The following THUMPD3 variants were observed in gnomAD, a reference collection of about 807,000 sequenced individuals.
THUMPD3 encodes the protein THUMP domain 3 tRNA guanosine methyltransferase.
A neutral mutation model predicts 54.5 loss-of-function variants in THUMPD3; 44 were observed. The ratio of observed to expected loss-of-function variants is 0.81; its 90% CI spans 0.63 to 1.04. The LOEUF is 1.04. Among genes scored for constraint, THUMPD3 ranks in the 50% least tolerant of loss-of-function variants. The pLI is 0.00. For synonymous variants in THUMPD3, 196 were observed against 201.4 expected, an observed-to-expected ratio of 0.97 and a Z score of 0.23; for missense variants, 604 against 601.3, an observed-to-expected ratio of 1.00 and a Z score of -0.05.
Position 9,384,971 on chromosome 3 carries a change from CT to C in THUMPD3, c.*284del. On this transcript the variant is annotated 3_prime_UTR_variant, in exon 10 of 10. Coordinates refer to ENST00000452837, the MANE Select transcript of THUMPD3 (RefSeq NM_001114092.2). The stretch of plus-strand genomic sequence containing the variant: ...CCTGGCCAACATGGTGAAACCCTGT[CT>C]CTACTAGAAATACAAAAATTAGCCA... 3.2e-6 allele frequency: 1 copy of C among 315,742 alleles called. No homozygotes were observed. Among genetic ancestry groups the C allele is most frequent in the Non-Finnish European group, 6.0e-6 (1 of 165,332 alleles). The allele number at this position is 315,742 out of a possible 1,614,324, so 19.6% of individuals were successfully genotyped here.
At chr3:9,367,685 A>G (rs1402502104) in intron 3 of THUMPD3, among the ~76,000 whole-genome samples, 1 of 152,226 alleles carries the variant, frequency 6.6e-6, no homozygotes, top group Non-Finnish European at 1.5e-5. Flanking sequence ...ATTGGCAAGC[A>G]TGTTGATTTC....
rs2032317707 is a variant in THUMPD3 at position 9,374,598 on chromosome 3, A to G, written c.890A>G (p.His297Arg). 1.2e-6 allele frequency: 2 copies of G among 1,613,982 alleles called. No homozygotes were observed. The highest frequency in any genetic ancestry group is 2.2e-5 in the South Asian group (2 of 91,082). ...AGTCTCCACCGAAGAAATATAACAC[A>G]TTTTGGACCTACAACTCTTAGATCA... ...EESLHRRNITHFGPTTLRSTL... is the reference protein window; with the variant it reads ...EESLHRRNITRFGPTTLRSTL... Residue 297 changes from histidine (H) to arginine (R), a missense_variant, in exon 5 of 10, where the codon CAT becomes CGT. By Grantham distance (29) the His-to-Arg change is conservative. Coordinates refer to ENST00000452837, the MANE Select transcript of THUMPD3 (RefSeq NM_001114092.2).
intron 7 of THUMPD3, chr3:9,382,971 C>T: frequency 2.6e-6 from 1 of 381,012 alleles, no homozygotes; most frequent in Non-Finnish European, 4.9e-6. Flanking sequence ...TCCAGTGATC[C>T]TCCCACCTCA....
chr3:9,384,873 C>G lies in THUMPD3; in HGVS notation c.*185C>G. On this transcript the variant is annotated 3_prime_UTR_variant, in exon 10 of 10. Coordinates refer to ENST00000452837, the MANE Select transcript of THUMPD3 (RefSeq NM_001114092.2). ...TTTAAAAGTTTTATGAGACCAGGCACAGTGGCTCACGACTGTAATTCCAGC... is the reference window on the plus strand; with the variant it reads ...TTTAAAAGTTTTATGAGACCAGGCAGAGTGGCTCACGACTGTAATTCCAGC... 1.5e-6 allele frequency: 1 copy of G among 645,864 alleles called. No homozygotes were observed. Among genetic ancestry groups the G allele is most frequent in the South Asian group, 2.0e-5 (1 of 49,574 alleles). The allele number at this position is 645,864 out of a possible 1,614,324, so 40.0% of individuals were successfully genotyped here. A position where few individuals can be genotyped will look rare whatever the true frequency, so the allele number is the denominator to read the frequency against.
Position 9,370,970 on chromosome 3 carries a change from G to A in THUMPD3, c.331-90G>A, listed in dbSNP as rs1272066051. The A allele has an allele frequency of 1.2e-5, 13 of 1,110,640 alleles. No individual in the cohort carries two copies. The Admixed American group carries it at 2.0e-4, about 17-fold the overall frequency. 68.8% of individuals were successfully genotyped at this position (1,110,640 alleles called of 1,614,324 possible). ...CGGTCCTGGAACCAGTGTCCCCCAC[G>A]GATACCAACTGTCCATAAGCAAAGT... On this transcript the variant is annotated intron_variant, in intron 3 of 9. Coordinates refer to ENST00000452837, the MANE Select transcript of THUMPD3 (RefSeq NM_001114092.2).
At chr3:9,365,456 A>G in intron 2 of THUMPD3, 136 bp downstream of exon 2, 1 of 1,087,716 alleles carries the variant, frequency 9.2e-7, no homozygotes, top group Admixed American at 2.5e-5. Context: ...AAGTTACTGC[A>G]TTTTCTATTG....
At chr3:9,374,920 G>A (rs577011208) in intron 5 of THUMPD3, among the ~76,000 whole-genome samples, 18 of 152,208 alleles carry the variant, frequency 1.2e-4, no homozygotes, top group East Asian at 5.8e-4. Context: ...CTGCAGTGGC[G>A]AGATCTCAGC....
Position 9,380,487 on chromosome 3 carries a change from C to G in THUMPD3, c.1009-16C>G, listed in dbSNP as rs368169800. 13 of 1,534,708 alleles carry G rather than the reference C, an allele frequency of 8.5e-6. No homozygotes were observed. The African/African-American group carries it at 1.8e-4, about 21-fold the overall frequency. ...AGTTTGCTACTTTTGTTTTAACATACACTCTTATCTTTTAGGGGGCCACTG... is the reference window on the plus strand; with the variant it reads ...AGTTTGCTACTTTTGTTTTAACATAGACTCTTATCTTTTAGGGGGCCACTG... On this transcript the variant is annotated splice_polypyrimidine_tract_variant and intron_variant, in intron 6 of 9. Transcript: ENST00000452837.
At chr3:9,378,039 G>A in intron 6 of THUMPD3, 151 bp downstream of exon 6, 1 of 628,886 alleles carries the variant, frequency 1.6e-6, no homozygotes, top group Non-Finnish European at 2.7e-6. Flanking sequence ...GAACTTTTTT[G>A]TAAAGAATGT....
Position 9,384,937 on chromosome 3 carries a change from G to GGAGTTT in THUMPD3, c.*252_*253insTTTGAG. 5.0e-6 allele frequency: 2 copies of GGAGTTT among 397,822 alleles called. No individual in the cohort carries two copies. The highest frequency in any genetic ancestry group is 9.2e-6 in the Non-Finnish European group (2 of 217,074). The allele number at this position is 397,822 out of a possible 1,614,324, so 24.6% of individuals were successfully genotyped here. A position where few individuals can be genotyped will look rare whatever the true frequency, so the allele number is the denominator to read the frequency against. Reference sequence around the variant, plus strand: ...GAAGTGTGCAGATCACCTGAGGTCCGGAGACCAGCCTGGCCAACATGGTGA... The same window carrying GGAGTTT: ...GAAGTGTGCAGATCACCTGAGGTCCGGAGTTTGAGACCAGCCTGGCCAACATGGTGA... On this transcript the variant is annotated 3_prime_UTR_variant, in exon 10 of 10. Transcript: ENST00000452837.
intron 7 of THUMPD3, chr3:9,380,847 A>T: frequency 2.9e-6 from 1 of 350,784 alleles, no homozygotes; most frequent in Non-Finnish European, 5.2e-6. Flanking sequence ...TGTCTTATTC[A>T]TATGTCTTTT....
At chr3:9,383,635 T>TG (rs1301168807) in intron 8 of THUMPD3, among the ~76,000 whole-genome samples, 2 of 152,084 alleles carry the variant, frequency 1.3e-5, no homozygotes, top group Non-Finnish European at 2.9e-5. Flanking sequence ...TTCTTTTTTT[T>TG]TTTTTGGAGA....
chr3:9,386,291 A>T lies in THUMPD3; in HGVS notation c.*1603A>T, dbSNP rs370733037. ...CACAAAACTTTTCACCTGATGGGAG[A>T]AACCATTTAAACCTCAAATTAAGCA... is the stretch of plus-strand genomic sequence containing the variant. On this transcript the variant is annotated 3_prime_UTR_variant, in exon 10 of 10. Transcript: ENST00000452837. 6.6e-6 allele frequency: 1 copy of T among 152,028 alleles called. No homozygotes were observed. Among genetic ancestry groups the T allele is most frequent in the East Asian group, 1.9e-4 (1 of 5,186 alleles). The allele number at this position is 152,028 out of a possible 1,614,324, so 9.4% of individuals were successfully genotyped here.
chr3:9,374,127 A>C (rs2032272577), intron 4 of THUMPD3, among the ~76,000 whole-genome samples: 2 of 152,158 alleles, frequency 1.3e-5, no homozygotes, highest in Admixed American at 6.5e-5. Flanking sequence ...TCGTTTTGCC[A>C]ATTTTTGAAC....
intron 4 of THUMPD3, 69 bp downstream of exon 4, chr3:9,371,605 C>A: frequency 7.7e-7 from 1 of 1,290,566 alleles, no homozygotes; most frequent in Non-Finnish European, 1.1e-6. Context: ...CCAGACTAAC[C>A]CAATGTTATG....
intron 3 of THUMPD3, among the ~76,000 whole-genome samples, chr3:9,369,756 T>C (rs2031882359): frequency 6.6e-6 from 1 of 152,220 alleles, no homozygotes; most frequent in Admixed American, 6.5e-5. Flanking sequence ...TTCTTGTACA[T>C]ATTCAAACTG....
At chr3:9,383,949 G>T (rs2033121523) in intron 8 of THUMPD3, among the ~76,000 whole-genome samples, 1 of 152,092 alleles carries the variant, frequency 6.6e-6, no homozygotes. Flanking sequence ...TCACTTGTTT[G>T]GTTTATACAG....
intron 1 of THUMPD3, among the ~76,000 whole-genome samples, chr3:9,364,190 A>G (rs777355829): frequency 4.6e-5 from 7 of 152,092 alleles, no homozygotes; most frequent in Non-Finnish European, 8.8e-5. Context: ...ACTCTAGGAA[A>G]GAGGTATTAC....
rs2032003269 is a variant in THUMPD3, at chr3:9,371,160, C to A, written c.431C>A (p.Ala144Glu). The change falls in exon 4 of 10, where the codon GCA (alanine) becomes GAA (glutamate). Residue 144 changes from alanine (A) to glutamate (E), a missense_variant. Transcript: ENST00000452837. Reference sequence around the variant, plus strand: ...AATGCCAGTTTTAAAAAGAAAAAAGCAAAGCGCAAAAAGATAAATCAGAAT... The same window carrying A: ...AATGCCAGTTTTAAAAAGAAAAAAGAAAAGCGCAAAAAGATAAATCAGAAT... ...KINASFKKKK[A>E]KRKKINQNSS... The A allele has an allele frequency of 3.1e-6, 5 of 1,611,110 alleles. No individual in the cohort carries two copies.
Sources: allele counts gnomAD v4.1 joint callset (sites outside exome capture counted in the v4.1 genomes callset), GRCh38; gene constraint gnomAD v4.1.1; transcripts MANE v1.5; gene names NCBI Gene and HGNC (gene_info 2026-07-23, HGNC 2026-07-21).